The following AGBL4 variants were observed in gnomAD, a reference collection of about 807,000 sequenced individuals.
AGBL4 encodes cytosolic carboxypeptidase 6.
AGBL4 carries 58 observed loss-of-function variants against 66.4 expected under a neutral mutation model. The observed-to-expected ratio is 0.87, with a 90% CI of 0.71 to 1.09. The LOEUF is 1.09. Among genes scored for constraint, AGBL4 ranks in the 50% least tolerant of loss-of-function variants. The pLI is 0.00. For missense variants in AGBL4, 579 were observed against 631.0 expected, an observed-to-expected ratio of 0.92 and a Z score of 0.88; for synonymous variants, 234 against 222.9, an observed-to-expected ratio of 1.05 and a Z score of -0.44.
chr1:48,918,859 T>G (rs1441439446), intron 5 of AGBL4, among the ~76,000 whole-genome samples: 5 of 152,312 alleles, frequency 3.3e-5, no homozygotes, highest in Non-Finnish European at 5.9e-5. Context: ...TTGAGGTACC[T>G]CTCTGCATCT....
chr1:49,242,701 G>A (rs566656888), intron 4 of AGBL4, among the ~76,000 whole-genome samples: 2 of 152,040 alleles, frequency 1.3e-5, no homozygotes, highest in South Asian at 4.1e-4. Context: ...AGTCTAATAT[G>A]TAATTATTTA....
At chr1:48,981,553 T>C (rs1362530268) in intron 5 of AGBL4, among the ~76,000 whole-genome samples, 1 of 151,922 alleles carries the variant, frequency 6.6e-6, no homozygotes, top group East Asian at 1.9e-4. Flanking sequence ...AAAAATAAAA[T>C]CAAACAAACA....
intron 6 of AGBL4, among the ~76,000 whole-genome samples, chr1:48,729,651 C>T (rs1486328475): frequency 6.6e-6 from 1 of 152,104 alleles, no homozygotes; most frequent in Admixed American, 6.5e-5. Context: ...TCCACTGCTA[C>T]CTGCCCATAT....
intron 3 of AGBL4, among the ~76,000 whole-genome samples, chr1:49,515,130 T>C (rs968670520): frequency 1.4e-4 from 22 of 152,048 alleles, no homozygotes; most frequent in African/African-American, 4.8e-4. Flanking sequence ...ATTTTTGCAA[T>C]CTACTCATCT....
intron 2 of AGBL4, among the ~76,000 whole-genome samples, chr1:49,819,149 GT>G (rs1645303480): frequency 6.6e-6 from 1 of 152,074 alleles, no homozygotes; most frequent in Non-Finnish European, 1.5e-5. Context: ...TATTTATTCT[GT>G]TCACTTCCAG....
chr1:48,823,470 T>A (rs1257004435), intron 6 of AGBL4, among the ~76,000 whole-genome samples: 2 of 152,228 alleles, frequency 1.3e-5, no homozygotes, highest in Admixed American at 1.3e-4. Context: ...CCAATCACCT[T>A]TCCTGATTCT....
At chr1:49,742,655 T>C (rs1650613172) in intron 2 of AGBL4, among the ~76,000 whole-genome samples, 1 of 152,018 alleles carries the variant, frequency 6.6e-6, no homozygotes, top group Non-Finnish European at 1.5e-5. Context: ...CAAACTATAC[T>C]ACAAGGCTAC....
chr1:48,903,676 C>T (rs1282158945), intron 5 of AGBL4, among the ~76,000 whole-genome samples: 2 of 152,172 alleles, frequency 1.3e-5, no homozygotes, highest in Non-Finnish European at 2.9e-5. Context: ...CTTCCTCACA[C>T]ATTGTTTGAC....
intron 3 of AGBL4, among the ~76,000 whole-genome samples, chr1:49,337,057 A>AG (rs1239738387): frequency 1.1e-4 from 17 of 152,294 alleles, no homozygotes; most frequent in South Asian, 1.0e-3. Flanking sequence ...CTCAAGAAAA[A>AG]GTTCAGCAAG....
chr1:50,014,504 A>C (rs931024418), intron 1 of AGBL4, among the ~76,000 whole-genome samples: 2 of 151,860 alleles, frequency 1.3e-5, no homozygotes, highest in Non-Finnish European at 2.9e-5. Flanking sequence ...CAGTTTCCTA[A>C]ATAGACCTCA....
rs1194654680 is a variant in AGBL4 at position 48,534,102 on chromosome 1, G to A, written c.*71C>T. 2 of 1,545,532 alleles carry A rather than the reference G, an allele frequency of 1.3e-6. No homozygotes were observed. The highest frequency in any genetic ancestry group is 1.8e-6 in the Non-Finnish European group (2 of 1,141,806). On this transcript the variant is annotated 3_prime_UTR_variant, in exon 14 of 14. Transcript: ENST00000371839. Reference sequence around the variant, plus strand: ...ACAAATCCTTGGAAGCTAGAGAAGAGTGATTAATTTCATTCCCCAGCAGAA... The same window carrying A: ...ACAAATCCTTGGAAGCTAGAGAAGAATGATTAATTTCATTCCCCAGCAGAA...
chr1:49,470,841 T>G (rs1236360452), intron 3 of AGBL4, among the ~76,000 whole-genome samples: 3 of 152,064 alleles, frequency 2.0e-5, no homozygotes, highest in Non-Finnish European at 2.9e-5. Flanking sequence ...GGGGCAGCCT[T>G]GCTCTGCAAG....
At chr1:49,248,498 A>G (rs912865207) in intron 3 of AGBL4, among the ~76,000 whole-genome samples, 3 of 152,254 alleles carry the variant, frequency 2.0e-5, no homozygotes, top group Non-Finnish European at 4.4e-5. Context: ...CATATAACTA[A>G]TAAGTAGCAG....
At chr1:48,825,399 G>C (rs1646406225) in intron 6 of AGBL4, among the ~76,000 whole-genome samples, 1 of 152,118 alleles carries the variant, frequency 6.6e-6, no homozygotes, top group Admixed American at 6.5e-5. Flanking sequence ...AGCCCTCCTT[G>C]ATATCCCAGC....
At chr1:48,649,010 G>T (rs1246728645) in intron 8 of AGBL4, among the ~76,000 whole-genome samples, 1 of 152,154 alleles carries the variant, frequency 6.6e-6, no homozygotes. Context: ...TAGTTCATTT[G>T]TTCATTCTGG....
intron 3 of AGBL4, among the ~76,000 whole-genome samples, chr1:49,311,106 C>T (rs1644934382): frequency 1.3e-5 from 2 of 152,000 alleles, no homozygotes; most frequent in Non-Finnish European, 2.9e-5. Context: ...TAGTCCAAGA[C>T]TTAGTGATAG....
chr1:49,097,483 C>A (rs901533706), intron 4 of AGBL4, among the ~76,000 whole-genome samples: 6 of 152,260 alleles, frequency 3.9e-5, no homozygotes, highest in African/African-American at 1.2e-4. Context: ...TTTAAAAAAA[C>A]CAGTGTTCTG....
At chr1:49,673,312 C>T (rs1030562265) in intron 3 of AGBL4, among the ~76,000 whole-genome samples, 4 of 152,154 alleles carry the variant, frequency 2.6e-5, no homozygotes, top group African/African-American at 9.7e-5. Flanking sequence ...GACATCCCTT[C>T]GATTTACTGA....
At chr1:49,802,240 G>C (rs564080555) in intron 2 of AGBL4, among the ~76,000 whole-genome samples, 204 of 151,962 alleles carry the variant, frequency 1.3e-3, no homozygotes, top group African/African-American at 4.4e-3. Flanking sequence ...CCCATGTGGA[G>C]AGCCTATAAA....
Sources: gnomAD v4.1 joint callset for allele counts (sites outside exome capture counted in the v4.1 genomes callset) on GRCh38, gnomAD v4.1.1 for gene constraint, MANE v1.5 for transcripts, NCBI Gene and HGNC (gene_info 2026-07-23, HGNC 2026-07-21) for gene names.